FRYL: variants seen among roughly 807,000 people sequenced by gnomAD.
The protein encoded by FRYL is FRY like transcription coactivator.
In FRYL, 150 loss-of-function variants were observed where a neutral mutation model predicts 351.2. That is an observed-to-expected ratio of 0.43 (90% CI 0.37 to 0.49). FRYL has a LOEUF of 0.49. FRYL is among the 20% of genes least tolerant of loss of function. FRYL has a pLI of 0.00. For missense variants in FRYL, 3,036 were observed against 3,619.3 expected, an observed-to-expected ratio of 0.84 and a Z score of 4.13; for synonymous variants, 1,153 against 1,257.1, an observed-to-expected ratio of 0.92 and a Z score of 1.75.
intron 13 of FRYL, among the ~76,000 whole-genome samples, chr4:48,599,217 G>A (rs914332385): frequency 6.6e-6 from 1 of 152,010 alleles, no homozygotes; most frequent in Non-Finnish European, 1.5e-5. Flanking sequence ...TATTTTCTAT[G>A]ATAACTACTC....
intron 3 of FRYL, among the ~76,000 whole-genome samples, chr4:48,648,595 G>A (rs138129963): frequency 6.6e-6 from 1 of 152,236 alleles, no homozygotes; most frequent in African/African-American, 2.4e-5. Flanking sequence ...AGTGTTCTTA[G>A]TGTTCTTTTG....
chr4:48,643,829 A>G (rs1755811356), intron 3 of FRYL, among the ~76,000 whole-genome samples: 1 of 152,204 alleles, frequency 6.6e-6, no homozygotes, highest in African/African-American at 2.4e-5. Context: ...TTCCTAATAT[A>G]AAAGAAGATA....
rs1480689105 is a variant in FRYL, at chr4:48,716,364, G to A, written c.-383-5666C>T. 9.3e-5 allele frequency among the ~76,000 whole-genome samples: 14 copies of A among 151,344 alleles called. 1 individual carries two copies. The highest frequency in any genetic ancestry group is 3.2e-3 in the Middle Eastern group (1 of 314). On this transcript the variant is annotated intron_variant, in intron 1 of 63. Transcript: ENST00000358350. ...ACCCACAAAATGGGAGAAAATTTTC[G>A]CAACCTACTCATCTGACAAAGGGCT... is the stretch of plus-strand genomic sequence containing the variant.
Position 48,535,807 on chromosome 4 carries a change from G to T in FRYL, c.6414C>A (p.Cys2138Ter). Residue 2138 changes from cysteine (C) to a stop codon, truncating the protein, a stop_gained, in exon 48 of 64, where the codon TGC becomes TGA. Transcript: ENST00000358350. LOFTEE classifies it high-confidence loss of function. Reference protein sequence around the residue: ...RIAKVCAEEKCPTLVNLAHMM... With the variant: ...RIAKVCAEEK Reference sequence around the variant, plus strand: ...TGTGTGCCAGATTGACAAGTGTTGGGCATTTTTCTTCTGCACAAACCTAGA... The same window carrying T: ...TGTGTGCCAGATTGACAAGTGTTGGTCATTTTTCTTCTGCACAAACCTAGA... 6.5e-7 allele frequency: 1 copy of T among 1,543,212 alleles called. No individual in the cohort carries two copies. The highest frequency in any genetic ancestry group is 8.8e-7 in the Non-Finnish European group (1 of 1,141,448).
chr4:48,632,009 C>T (rs1490166192), intron 4 of FRYL, among the ~76,000 whole-genome samples: 11 of 117,996 alleles, frequency 9.3e-5, no homozygotes, highest in East Asian at 2.8e-4. Context: ...GCCAAAATTG[C>T]GCCACTGAAC....
At chr4:48,622,835 A>C (rs1488404487) in intron 5 of FRYL, among the ~76,000 whole-genome samples, 1 of 152,142 alleles carries the variant, frequency 6.6e-6, no homozygotes, top group Non-Finnish European at 1.5e-5. Context: ...TTATGTAAAA[A>C]GTGTGGCAAT....
chr4:48,559,606 G>A (rs34039879), intron 33 of FRYL, among the ~76,000 whole-genome samples: 3 of 116,680 alleles, frequency 2.6e-5, no homozygotes, highest in African/African-American at 9.8e-5. Flanking sequence ...GTTGAGGGAA[G>A]ATGATGGCTT....
At chr4:48,525,264 A>G (rs1725852804) in intron 53 of FRYL, among the ~76,000 whole-genome samples, 1 of 151,578 alleles carries the variant, frequency 6.6e-6, no homozygotes, top group South Asian at 2.1e-4. Flanking sequence ...TTTAAAAGCT[A>G]CTGCTCTGAA....
At chr4:48,750,619 G>C (rs1445359021) in intron 1 of FRYL, among the ~76,000 whole-genome samples, 1 of 152,158 alleles carries the variant, frequency 6.6e-6, no homozygotes, top group Non-Finnish European at 1.5e-5. Flanking sequence ...ATAATTAAAA[G>C]AAGGAGCCTA....
At chr4:48,716,688 T>C (rs1768869850) in intron 1 of FRYL, among the ~76,000 whole-genome samples, 1 of 151,574 alleles carries the variant, frequency 6.6e-6, no homozygotes, top group Non-Finnish European at 1.5e-5. Context: ...TGTAAACTTG[T>C]TCAACCATTG....
intron 42 of FRYL, among the ~76,000 whole-genome samples, chr4:48,545,303 T>C (rs1024123705): frequency 1.3e-5 from 2 of 152,110 alleles, no homozygotes; most frequent in African/African-American, 4.8e-5. Context: ...TAGGACAGAG[T>C]AATGTCCTCT....
chr4:48,587,101 T>C (rs1022109683), intron 18 of FRYL, among the ~76,000 whole-genome samples: 2 of 151,970 alleles, frequency 1.3e-5, no homozygotes, highest in Admixed American at 1.3e-4. Flanking sequence ...TATCATTAAA[T>C]AACTAAATAC....
chr4:48,717,414 C>T (rs1199723335), intron 1 of FRYL, among the ~76,000 whole-genome samples: 3 of 151,440 alleles, frequency 2.0e-5, no homozygotes, highest in South Asian at 2.1e-4. Context: ...TGCCTAGGGC[C>T]AGGAGACAAA....
At chr4:48,676,885 T>C (rs1478384594) in intron 3 of FRYL, among the ~76,000 whole-genome samples, 1 of 152,274 alleles carries the variant, frequency 6.6e-6, no homozygotes, top group African/African-American at 2.4e-5. Flanking sequence ...TCGCACTTTA[T>C]TGAATTATGT....
At chr4:48,671,535 C>T (rs556904195) in intron 3 of FRYL, among the ~76,000 whole-genome samples, 8 of 152,062 alleles carry the variant, frequency 5.3e-5, no homozygotes, top group Non-Finnish European at 7.4e-5. Flanking sequence ...GGTGTGATAG[C>T]GCATGCCTGT....
chr4:48,609,165 A>T, intron 8 of FRYL, 98 bp from the exon 9 acceptor site: 1 of 707,460 alleles, frequency 1.4e-6, no homozygotes, highest in Non-Finnish European at 2.4e-6. Context: ...GTATTGTATA[A>T]TTTTCTCTGA....
rs1224815255 is a variant in FRYL, at chr4:48,579,643, C to A, written c.2260-402G>T. ...AACAGACTCAAAAATGAGCTCTTCTCCAGAGGTATATATTCTTAAATACTT... is the reference window on the plus strand; with the variant it reads ...AACAGACTCAAAAATGAGCTCTTCTACAGAGGTATATATTCTTAAATACTT... On this transcript the variant is annotated intron_variant, in intron 22 of 63. Transcript: ENST00000358350. Among the ~76,000 whole-genome samples the A allele has an allele frequency of 2.6e-5, 4 of 152,088 alleles. No individual in the cohort carries two copies. The East Asian group carries it at 7.7e-4, about 29-fold the overall frequency.
chr4:48,586,805 A>G (rs1353016150), intron 18 of FRYL, 77 bp from the exon 19 acceptor site: 1 of 956,156 alleles, frequency 1.0e-6, no homozygotes, highest in East Asian at 2.6e-5. Context: ...AAAAATAACT[A>G]CAGAAAGTGC....
chr4:48,689,895 C>CTTTTTTTTTTTTTTTTTTTTTTTTTTTTT (rs869300628), intron 2 of FRYL, among the ~76,000 whole-genome samples: 1 of 135,682 alleles, frequency 7.4e-6, no homozygotes. Flanking sequence ...TTCTTTTTTT[C>CTTTTTTTTTTTTTTTTTTTTTTTTTTTTT]TTTTTTTTTT....
Sources: allele counts gnomAD v4.1 joint callset (sites outside exome capture counted in the v4.1 genomes callset), GRCh38; gene constraint gnomAD v4.1.1; transcripts MANE v1.5; gene names NCBI Gene and HGNC (gene_info 2026-07-23, HGNC 2026-07-21).